Variants in SIX5 observed in about 807,000 individuals in gnomAD.
The protein encoded by SIX5 is SIX homeobox 5, also known as homeobox protein SIX5.
Under a neutral mutation model 37.1 loss-of-function variants are expected in SIX5, and 21 were observed. The ratio of observed to expected loss-of-function variants is 0.57; its 90% CI spans 0.40 to 0.81. The LOEUF (loss-of-function observed/expected upper bound fraction) is 0.81, where lower values mean the gene tolerates loss of function less well. Ranked by LOEUF, SIX5 falls within the 40% of genes least tolerant of loss-of-function variation. The pLI, the probability that SIX5 is intolerant of heterozygous loss-of-function variation, is 0.00. For missense variants in SIX5, 1,137 were observed against 1,025.1 expected (o/e 1.11, Z -1.49); for synonymous variants, 626 against 505.9 (o/e 1.24, Z -3.19).
At position 45,765,229 on chromosome 19, in the gene SIX5, A is replaced by G; in HGVS notation, c.*272T>C. 1.8e-6 allele frequency: 1 copy of G among 560,176 alleles called. No homozygotes were observed. 34.7% of individuals were successfully genotyped at this position (560,176 alleles called of 1,614,324 possible). A position where few individuals can be genotyped will look rare whatever the true frequency, so the allele number is the denominator to read the frequency against. ...CCAAGTGGAGGGGGCAGGGCCCCTGAGTCAGGACCCTGAGTCCCCCACGTA... is the reference window on the plus strand; with the variant it reads ...CCAAGTGGAGGGGGCAGGGCCCCTGGGTCAGGACCCTGAGTCCCCCACGTA... On this transcript the variant is annotated 3_prime_UTR_variant, in exon 3 of 3. Transcript: ENST00000317578.
intron 2 of SIX5, 23 bp downstream of exon 2, chr19:45,766,327 C>A: frequency 6.4e-7 from 1 of 1,561,990 alleles, no homozygotes. Flanking sequence ...TCACCTAGGC[C>A]TGAGGGAGGG....
Position 45,765,160 on chromosome 19 carries a change from TG to T in SIX5, c.*340del, listed in dbSNP as rs1488916326. 38 of 433,936 alleles carry T rather than the reference TG, an allele frequency of 8.8e-5. No homozygotes were observed. Among genetic ancestry groups the T allele is most frequent in the African/African-American group, 7.4e-4 (37 of 50,136 alleles). The allele number at this position is 433,936 out of a possible 1,614,324, so 26.9% of individuals were successfully genotyped here. ...GTGACAGGGAGAGGGCTCTGGGGGCTGGAAGTCCGGCCCTGGGGCAGGGTGT... is the reference window on the plus strand; with the variant it reads ...GTGACAGGGAGAGGGCTCTGGGGGCTGAAGTCCGGCCCTGGGGCAGGGTGT... On this transcript the variant is annotated 3_prime_UTR_variant, in exon 3 of 3. Coordinates refer to ENST00000317578, the MANE Select transcript of SIX5 (RefSeq NM_175875.5).
chr19:45,766,378 G>A lies in SIX5; in HGVS notation c.1581C>T (p.Ala527=), dbSNP rs1441328919. The change falls in exon 2 of 3, where the codon GCC becomes GCT. Residue 527 remains alanine (A), a synonymous_variant. Transcript: ENST00000317578. ...HLINSGVGVT[A]LQLPSATAPG... ...GGGCAGTGGCCGAAGGCAGCTGCAG[G>A]GCAGTCACGCCCACCCCGGAGTTGA... 4 of 1,591,066 alleles carry A rather than the reference G, an allele frequency of 2.5e-6. No homozygotes were observed. The highest frequency in any genetic ancestry group is 1.1e-5 in the South Asian group (1 of 87,574).
In SIX5 at chr19:45,768,474, T is replaced by A. The variant is rs1364107973; in HGVS notation, c.371A>T (p.Asp124Val). ...LPPAERLRGS[D>V]PVLRARALVA... ...CAGGGCCCGCGCGCGCAACACCGGG[T>A]CGCTGCCACGTAGGCGCTCGGCCGG... The change falls in exon 1 of 3, where the codon GAC (aspartate) becomes GTC (valine). Residue 124 changes from aspartate to valine, a missense_variant. By Grantham distance (152) the Asp-to-Val change is radical (BLOSUM62 -3). Transcript: ENST00000317578. 1.3e-6 allele frequency: 2 copies of A among 1,526,086 alleles called. No homozygotes were observed. Among genetic ancestry groups the A allele is most frequent in the Admixed American group, 4.0e-5 (2 of 50,564 alleles). The allele number at this position is 1,526,086 out of a possible 1,614,324, so 94.5% of individuals were successfully genotyped here.
chr19:45,765,341 G>C lies in SIX5; in HGVS notation c.*160C>G. On this transcript the variant is annotated 3_prime_UTR_variant, in exon 3 of 3. Transcript: ENST00000317578. ...GAGACCTGGACAGGAGGTGGCCGGG[G>C]ATACAACCCCCAGCACCACCAGGGC... 9.9e-7 allele frequency: 1 copy of C among 1,011,276 alleles called. No homozygotes were observed. Among genetic ancestry groups the C allele is most frequent in the South Asian group, 1.3e-5 (1 of 75,858 alleles). 62.6% of individuals were successfully genotyped at this position (1,011,276 alleles called of 1,614,324 possible).
Position 45,766,610 on chromosome 19 carries a change from G to T in SIX5, c.1349C>A (p.Ala450Asp). The T allele has an allele frequency of 6.8e-7, 1 of 1,468,636 alleles. No homozygotes were observed. Among genetic ancestry groups the T allele is most frequent in the Non-Finnish European group, 9.0e-7 (1 of 1,107,028 alleles). The allele number at this position is 1,468,636 out of a possible 1,614,324, so 91.0% of individuals were successfully genotyped here. ...LPPGPVPAVA[A>D]PQVVPLSPPP... ...TGGGGAGAGCGGTACCACTTGTGGG[G>T]CAGCCACAGCAGGCACTGGCCCCGG... is the stretch of plus-strand genomic sequence containing the variant. Residue 450 changes from alanine (A) to aspartate (D), a missense_variant, in exon 2 of 3, where the codon GCC becomes GAC. Ala to Asp is a moderately radical substitution (Grantham distance 126). Transcript: ENST00000317578.
At chr19:45,767,205 C>T (rs1224461793) in intron 1 of SIX5, 50 bp from the exon 2 acceptor site, 1 of 1,572,138 alleles carries the variant, frequency 6.4e-7, no homozygotes, top group East Asian at 2.3e-5. Context: ...TGTGGGGCCT[C>T]CCGCATAGCC....
In SIX5 at chr19:45,768,360, T is replaced by C; in HGVS notation, c.485A>G (p.Asp162Gly). ...FPAAHHAFLQ[D>G]LYLRARYHEA... Reference sequence around the variant, plus strand: ...ATGGTAGCGCGCGCGCAGGTAGAGGTCCTGCAGGAAGGCGTGGTGGGCGGC... The same window carrying C: ...ATGGTAGCGCGCGCGCAGGTAGAGGCCCTGCAGGAAGGCGTGGTGGGCGGC... The change falls in exon 1 of 3, where the codon GAC (aspartate) becomes GGC (glycine). Residue 162 changes from aspartate (D) to glycine (G), a missense_variant. By Grantham distance (94) the Asp-to-Gly change is moderately conservative. Around this residue, in one of 3 missense-constraint regions of SIX5, gnomAD observed 331 missense variants for 360.9 expected, o/e 0.92. Transcript: ENST00000317578. The C allele has an allele frequency of 6.3e-7, 1 of 1,595,912 alleles. No individual in the cohort carries two copies. The highest frequency in any genetic ancestry group is 8.5e-7 in the Non-Finnish European group (1 of 1,173,928).
intron 1 of SIX5, chr19:45,767,750 C>T: frequency 2.0e-6 from 1 of 500,928 alleles, no homozygotes; most frequent in Non-Finnish European, 3.5e-6. Flanking sequence ...CCTTTTTCCT[C>T]AGTCCCTCTA....
In SIX5 at chr19:45,766,954, T is replaced by C; in HGVS notation, c.1005A>G (p.Ala335=). 1.3e-6 allele frequency: 2 copies of C among 1,584,734 alleles called. No homozygotes were observed. The highest frequency in any genetic ancestry group is 1.7e-6 in the Non-Finnish European group (2 of 1,167,844). ...TGACGGGGCCCCCGTTGAGGAGCAC[T>C]GCTGGGGAGCCGCTGGCTGCCAGGA... ...GSFLAASGSP[A]VLLNGGPVII... The change falls in exon 2 of 3, where the codon GCA becomes GCG. Residue 335 remains alanine, a synonymous_variant. Transcript: ENST00000317578.
Position 45,765,756 on chromosome 19 carries a change from C to T in SIX5, c.1965G>A (p.Leu655=). ...CAGGCACGGCCGCGGGTGACAACAT[C>T]AGCCCCTCTGGTGGGGGCGCCGGGA... ...PNFPAPPPEG[L]MLSPAAVPVW... The change falls in exon 3 of 3, where the codon CTG becomes CTA. Residue 655 remains leucine, a synonymous_variant. Transcript: ENST00000317578. 6.2e-7 allele frequency: 1 copy of T among 1,610,900 alleles called. No homozygotes were observed. The highest frequency in any genetic ancestry group is 8.5e-7 in the Non-Finnish European group (1 of 1,179,952).
chr19:45,768,912 C>A lies in SIX5; in HGVS notation c.-68G>T. ...CTCGGGCTTTCCCCAGCCTCCTCCC[C>A]CACCTGTCCCCCCTTTTCGCCCCCA... On this transcript the variant is annotated 5_prime_UTR_variant, in exon 1 of 3. Transcript: ENST00000317578. 1 of 1,398,354 alleles carries A rather than the reference C, an allele frequency of 7.2e-7. No individual in the cohort carries two copies. The highest frequency in any genetic ancestry group is 9.6e-7 in the Non-Finnish European group (1 of 1,038,322). The allele number at this position is 1,398,354 out of a possible 1,614,324, so 86.6% of individuals were successfully genotyped here. A position where few individuals can be genotyped will look rare whatever the true frequency, so the allele number is the denominator to read the frequency against.
Position 45,765,831 on chromosome 19 carries a change from G to A in SIX5, c.1890C>T (p.Ser630=). 6.2e-7 allele frequency: 1 copy of A among 1,602,096 alleles called. No homozygotes were observed. Among genetic ancestry groups the A allele is most frequent in the Non-Finnish European group, 8.5e-7 (1 of 1,179,554 alleles). ...CAGGGGAGAAGGGCAGGCTGGTGCT[G>A]GAGGTGGTGGCAGCGGCGGGGGGTG... The part of the protein sequence containing the change: ...QQPPPAAATT[S]STSLPFSPDS... Residue 630 remains serine (S), a synonymous_variant, in exon 3 of 3, where the codon TCC becomes TCT. Coordinates refer to ENST00000317578, the MANE Select transcript of SIX5 (RefSeq NM_175875.5).
Position 45,767,023 on chromosome 19 carries a change from G to A in SIX5, c.936C>T (p.Pro312=), listed in dbSNP as rs374751577. 7.1e-5 allele frequency: 115 copies of A among 1,608,524 alleles called. 2 individuals are homozygous for A. In the Middle Eastern group the frequency reaches 1.1e-3, roughly 15 times the overall value. ...TGGAGGAGGAAGCCGGGCAAGGCGC[G>A]GGAGGGCCGGTCCCTGCCAGGAATA... The part of the protein sequence containing the change: ...GSIFLAGTGP[P]APCPASSSIL... The change falls in exon 2 of 3, where the codon CCC becomes CCT. Residue 312 remains proline (P), a synonymous_variant. Transcript: ENST00000317578.
chr19:45,766,181 C>G (rs978060275), intron 2 of SIX5, 70 bp from the exon 3 acceptor site: 5 of 1,557,994 alleles, frequency 3.2e-6, no homozygotes, highest in Non-Finnish European at 3.5e-6. Context: ...GAAGTGGAGA[C>G]TGTGCAGCTG....
Position 45,766,614 on chromosome 19 carries a change from C to T in SIX5, c.1345G>A (p.Ala449Thr), listed in dbSNP as rs2146206702. The change falls in exon 2 of 3, where the codon GCT becomes ACT. Residue 449 changes from alanine to threonine, a missense_variant. Coordinates refer to ENST00000317578, the MANE Select transcript of SIX5 (RefSeq NM_175875.5). ...GAGAGCGGTACCACTTGTGGGGCAG[C>T]CACAGCAGGCACTGGCCCCGGGGGC... is the stretch of plus-strand genomic sequence containing the variant. Reference protein sequence around the residue: ...PLPPGPVPAVAAPQVVPLSPP... With the variant: ...PLPPGPVPAVTAPQVVPLSPP... 6.8e-7 allele frequency: 1 copy of T among 1,469,998 alleles called. No homozygotes were observed. The highest frequency in any genetic ancestry group is 1.4e-5 in the South Asian group (1 of 72,034). 91.1% of individuals were successfully genotyped at this position (1,469,998 alleles called of 1,614,324 possible). A position where few individuals can be genotyped will look rare whatever the true frequency, so the allele number is the denominator to read the frequency against.
chr19:45,766,222 C>T (rs1177670790), intron 2 of SIX5, 111 bp from the exon 3 acceptor site: 4 of 1,501,886 alleles, frequency 2.7e-6, no homozygotes, highest in Non-Finnish European at 3.6e-6. Context: ...TTGTGGTGGG[C>T]CTTGGGGCAC....
Position 45,765,117 on chromosome 19 carries a change from T to G in SIX5, c.*384A>C. ...ACAACACCAGCTATCGGCAGAGCTATTAATAGTGTTTCAGGGAGTGACAGG... is the reference window on the plus strand; with the variant it reads ...ACAACACCAGCTATCGGCAGAGCTAGTAATAGTGTTTCAGGGAGTGACAGG... On this transcript the variant is annotated 3_prime_UTR_variant, in exon 3 of 3. Coordinates refer to ENST00000317578, the MANE Select transcript of SIX5 (RefSeq NM_175875.5). 1 of 329,516 alleles carries G rather than the reference T, an allele frequency of 3.0e-6. No individual in the cohort carries two copies. Among genetic ancestry groups the G allele is most frequent in the Non-Finnish European group, 5.9e-6 (1 of 169,098 alleles). 20.4% of individuals were successfully genotyped at this position (329,516 alleles called of 1,614,324 possible). A position where few individuals can be genotyped will look rare whatever the true frequency, so the allele number is the denominator to read the frequency against.
Position 45,766,049 on chromosome 19 carries a change from G to A in SIX5, c.1672C>T (p.Gln558Ter). ...SPIVTGVALQ[Q>*]GKIILTATFP... ...GTGGCGGTGAGGATGATCTTGCCCTGCTGCAGGGCCACACCCGTCACGATG... is the reference window on the plus strand; with the variant it reads ...GTGGCGGTGAGGATGATCTTGCCCTACTGCAGGGCCACACCCGTCACGATG... Residue 558 changes from glutamine to a stop codon, truncating the protein, a stop_gained, in exon 3 of 3, where the codon CAG becomes TAG. Transcript: ENST00000317578. LOFTEE classifies it high-confidence loss of function. The A allele has an allele frequency of 1.2e-6, 2 of 1,611,862 alleles. No homozygotes were observed. Among genetic ancestry groups the A allele is most frequent in the Non-Finnish European group, 1.7e-6 (2 of 1,179,224 alleles).
Sources: gnomAD v4.1 joint callset for allele counts on GRCh38, gnomAD v4.1.1 for gene constraint, gnomAD v4.1.1 regional missense constraint, MANE v1.5 for transcripts, NCBI Gene and HGNC (gene_info 2026-07-23, HGNC 2026-07-21) for gene names.